Variants in NIPBL observed in about 807,000 individuals in gnomAD.
NIPBL encodes the protein nipped-B-like protein.
NIPBL carries 19 observed loss-of-function variants against 321.8 expected under a neutral mutation model. The ratio of observed to expected loss-of-function variants is 0.06; its 90% CI spans 0.04 to 0.09. NIPBL has a LOEUF of 0.09. Among genes scored for constraint, NIPBL ranks in the 10% least tolerant of loss-of-function variants. The pLI is 1.00. For synonymous variants in NIPBL, 1,106 were observed against 1,114.1 expected (o/e 0.99, Z 0.14); for missense variants, 2,210 against 3,327.0 (o/e 0.66, Z 8.26).
chr5:37,047,211 C>A (rs1046413826), intron 38 of NIPBL, among the ~76,000 whole-genome samples: 3 of 152,126 alleles, frequency 2.0e-5, no homozygotes, highest in Admixed American at 6.5e-5. Context: ...TGGAGCCAAT[C>A]CCCCATGGAT....
chr5:36,973,334 T>C (rs79230265), intron 8 of NIPBL, among the ~76,000 whole-genome samples: 4 of 151,972 alleles, frequency 2.6e-5, no homozygotes, highest in African/African-American at 7.2e-5. Flanking sequence ...TTTTTTTTTT[T>C]CAAAAATTTT....
chr5:36,883,570 C>G (rs1291048939), intron 1 of NIPBL, among the ~76,000 whole-genome samples: 1 of 151,628 alleles, frequency 6.6e-6, no homozygotes, highest in Non-Finnish European at 1.5e-5. Context: ...TTATTAAATT[C>G]TGACTATACT....
At chr5:36,993,325 C>G (rs970703741) in intron 10 of NIPBL, among the ~76,000 whole-genome samples, 9 of 152,130 alleles carry the variant, frequency 5.9e-5, no homozygotes, top group Admixed American at 5.2e-4. Context: ...TTAAAATGAT[C>G]TAGAGGATAC....
intron 6 of NIPBL, among the ~76,000 whole-genome samples, chr5:36,966,986 A>G (rs1218080138): frequency 6.6e-6 from 1 of 152,004 alleles, no homozygotes; most frequent in African/African-American, 2.4e-5. Flanking sequence ...AAATTTGTAT[A>G]TAAGAGAACA....
At chr5:36,924,132 T>C (rs1749168078) in intron 1 of NIPBL, among the ~76,000 whole-genome samples, 1 of 152,232 alleles carries the variant, frequency 6.6e-6, no homozygotes, top group Non-Finnish European at 1.5e-5. Flanking sequence ...TCAATGAATA[T>C]AGCTCTTAAC....
chr5:36,925,200 T>G (rs1301817685), intron 1 of NIPBL, among the ~76,000 whole-genome samples: 1 of 152,178 alleles, frequency 6.6e-6, no homozygotes, highest in Non-Finnish European at 1.5e-5. Context: ...AAACACTCTT[T>G]TCTAGTATAT....
In NIPBL at chr5:37,008,734, A is replaced by AAT. The variant is rs1357232332; in HGVS notation, c.4421+11_4421+12insAT. On this transcript the variant is annotated intron_variant, in intron 20 of 46. Coordinates refer to ENST00000282516, the MANE Select transcript of NIPBL (RefSeq NM_133433.4). Reference sequence around the variant, plus strand: ...TTTAAGGAACTTCAGGTAATTAATTATAACAGAGGTCAAGTTTAATGAAGA... The same window carrying AAT: ...TTTAAGGAACTTCAGGTAATTAATTAATTAACAGAGGTCAAGTTTAATGAAGA... 7.5e-7 allele frequency: 1 copy of AAT among 1,336,764 alleles called. No individual in the cohort carries two copies. The highest frequency in any genetic ancestry group is 1.4e-5 in the African/African-American group (1 of 69,404). 82.8% of individuals were successfully genotyped at this position (1,336,764 alleles called of 1,614,324 possible). A position where few individuals can be genotyped will look rare whatever the true frequency, so the allele number is the denominator to read the frequency against.
At chr5:36,948,245 A>G (rs886990450) in intron 1 of NIPBL, among the ~76,000 whole-genome samples, 2 of 151,920 alleles carry the variant, frequency 1.3e-5, no homozygotes, top group African/African-American at 2.4e-5. Flanking sequence ...CATAAGATAA[A>G]TATTAATTGG....
chr5:37,007,080 C>A (rs1436088117), intron 17 of NIPBL, among the ~76,000 whole-genome samples: 1 of 151,706 alleles, frequency 6.6e-6, no homozygotes, highest in Non-Finnish European at 1.5e-5. Flanking sequence ...AAGTAGAAAT[C>A]AAGATAAAAT....
At chr5:36,950,212 A>G (rs1409369897) in intron 1 of NIPBL, among the ~76,000 whole-genome samples, 2 of 152,054 alleles carry the variant, frequency 1.3e-5, no homozygotes, top group East Asian at 1.9e-4. Context: ...ATTATTTATA[A>G]TAGATCTTTT....
chr5:36,892,242 C>T (rs1746387080), intron 1 of NIPBL, among the ~76,000 whole-genome samples: 1 of 152,100 alleles, frequency 6.6e-6, no homozygotes, highest in Non-Finnish European at 1.5e-5. Flanking sequence ...AATAAGATAC[C>T]ATCTCACACC....
chr5:36,955,328 G>A (rs1740819631), intron 2 of NIPBL, 144 bp from the exon 3 acceptor site: 1 of 698,836 alleles, frequency 1.4e-6, no homozygotes. Flanking sequence ...GGTTGATTGA[G>A]GTTTGTTAGG....
At chr5:37,048,833 T>C (rs1420683318) in intron 39 of NIPBL, among the ~76,000 whole-genome samples, 158 bp downstream of exon 39, 1 of 152,228 alleles carries the variant, frequency 6.6e-6, no homozygotes, top group Non-Finnish European at 1.5e-5. Context: ...CTTTAGCATA[T>C]TCTTAAATTC....
At chr5:37,062,964 G>A (rs1483016878) in intron 45 of NIPBL, among the ~76,000 whole-genome samples, 1 of 151,602 alleles carries the variant, frequency 6.6e-6, no homozygotes, top group Non-Finnish European at 1.5e-5. Context: ...CAAATTTTAT[G>A]ATATTTCTAT....
Position 36,971,496 on chromosome 5 carries a change from A to G in NIPBL, c.772-449A>G, listed in dbSNP as rs946581644. 6.6e-5 allele frequency among the ~76,000 whole-genome samples: 10 copies of G among 152,138 alleles called. No individual in the cohort carries two copies. In the East Asian group the frequency reaches 1.2e-3, roughly 18 times the overall value. ...TCTTTTTCCCTCTGATACTTGTACA[A>G]AGTTTTGTGTCTGAAATTTAATATT... On this transcript the variant is annotated intron_variant, in intron 7 of 46. Transcript: ENST00000282516.
chr5:37,013,803 G>T (rs1028324271), intron 21 of NIPBL, among the ~76,000 whole-genome samples: 5 of 152,130 alleles, frequency 3.3e-5, no homozygotes, highest in Non-Finnish European at 4.4e-5. Flanking sequence ...TCCCAGACGG[G>T]TTGGCGGCCG....
intron 4 of NIPBL, among the ~76,000 whole-genome samples, chr5:36,960,781 T>C (rs556386010): frequency 1.2e-4 from 18 of 152,326 alleles, no homozygotes; most frequent in African/African-American, 4.3e-4. Flanking sequence ...AATTTTTCTG[T>C]GTCTCCCATA....
chr5:36,926,630 A>G (rs967352070), intron 1 of NIPBL, among the ~76,000 whole-genome samples: 16 of 152,168 alleles, frequency 1.1e-4, no homozygotes, highest in South Asian at 4.1e-4. Context: ...TTTATTCACC[A>G]TGCATGTCAC....
intron 1 of NIPBL, among the ~76,000 whole-genome samples, chr5:36,896,436 A>T (rs1200905479): frequency 6.6e-6 from 1 of 152,026 alleles, no homozygotes; most frequent in Non-Finnish European, 1.5e-5. Context: ...GAAGTTTAGG[A>T]TGTTTGTCAT....
Sources: allele counts gnomAD v4.1 joint callset (sites outside exome capture counted in the v4.1 genomes callset), GRCh38; gene constraint gnomAD v4.1.1; transcripts MANE v1.5; gene names NCBI Gene and HGNC (gene_info 2026-07-23, HGNC 2026-07-21).